The following PRDM10 variants were observed in gnomAD, a reference collection of about 807,000 sequenced individuals.
PRDM10 encodes PR/SET domain 10.
In PRDM10, 65 loss-of-function variants were observed where a neutral mutation model predicts 133.1. The ratio of observed to expected loss-of-function variants is 0.49; its 90% CI spans 0.40 to 0.60. The LOEUF (loss-of-function observed/expected upper bound fraction) is 0.60, where lower values mean the gene tolerates loss of function less well. Ranked by LOEUF, PRDM10 falls within the 20% of genes least tolerant of loss-of-function variation. PRDM10 has a pLI of 0.00. For synonymous variants in PRDM10, 582 were observed against 580.4 expected (o/e 1.00, Z -0.04); for missense variants, 1,137 against 1,507.1 (o/e 0.75, Z 4.07).
At chr11:129,991,891 G>A (rs1014698928) in intron 1 of PRDM10, among the ~76,000 whole-genome samples, 3 of 151,646 alleles carry the variant, frequency 2.0e-5, no homozygotes, top group African/African-American at 7.3e-5. Context: ...GCTGAGACAG[G>A]AGTATCAGAG....
At chr11:129,990,307 C>T (rs868718410) in intron 1 of PRDM10, among the ~76,000 whole-genome samples, 3 of 151,520 alleles carry the variant, frequency 2.0e-5, no homozygotes, top group South Asian at 2.1e-4. Context: ...GATCGAGCCA[C>T]TGCACTCCAG....
In PRDM10 at chr11:129,905,719, C is replaced by T. The variant is rs376352226; in HGVS notation, c.3186G>A (p.Thr1062=). The part of the protein sequence containing the change: ...RGYSSEIQMM[T]LPPGQFVITD... ...TAATCACAAACTGACCCGGAGGAAG[C>T]GTCATCATTTGAATCTCAGATGCTA... is the stretch of plus-strand genomic sequence containing the variant. Residue 1062 remains threonine (T), a synonymous_variant, in exon 20 of 21, where the codon ACG becomes ACA. Coordinates refer to ENST00000360871, the MANE Select transcript of PRDM10 (RefSeq NM_199437.2). 6.2e-6 allele frequency: 10 copies of T among 1,613,872 alleles called. No individual in the cohort carries two copies. Among genetic ancestry groups the T allele is most frequent in the Admixed American group, 1.7e-5 (1 of 59,990 alleles).
At chr11:129,981,291 T>G (rs1273993903) in intron 1 of PRDM10, among the ~76,000 whole-genome samples, 1 of 152,128 alleles carries the variant, frequency 6.6e-6, no homozygotes, top group Non-Finnish European at 1.5e-5. Context: ...AGTACAGAAT[T>G]GTTTGAAATA....
intron 4 of PRDM10, among the ~76,000 whole-genome samples, chr11:129,950,281 T>C (rs1049336872): frequency 2.0e-5 from 3 of 152,138 alleles, no homozygotes; most frequent in African/African-American, 2.4e-5. Flanking sequence ...AGTGTGTTTA[T>C]TGAGGGCCTG....
chr11:129,909,865 G>A (rs1051863095), intron 19 of PRDM10, among the ~76,000 whole-genome samples: 1 of 152,166 alleles, frequency 6.6e-6, no homozygotes, highest in African/African-American at 2.4e-5. Flanking sequence ...CTGCACAGTG[G>A]GGTGGTTTAG....
chr11:129,914,024 T>G (rs1016912646), intron 17 of PRDM10, among the ~76,000 whole-genome samples: 6 of 152,202 alleles, frequency 3.9e-5, no homozygotes, highest in African/African-American at 1.2e-4. Flanking sequence ...ATTTTTTTTT[T>G]TGAGTCCTGT....
rs1308828587 is a variant in PRDM10 at position 129,955,656 on chromosome 11, A to C, written c.235-85T>G. On this transcript the variant is annotated intron_variant, in intron 3 of 20. Coordinates refer to ENST00000360871, the MANE Select transcript of PRDM10 (RefSeq NM_199437.2). The stretch of plus-strand genomic sequence containing the variant: ...AAAAATTATCCTACTGCTAAGCACC[A>C]ATTTTTAGAAAAGTTAACTCCCATT... 7.1e-6 allele frequency: 9 copies of C among 1,262,238 alleles called. No homozygotes were observed. The African/African-American group carries it at 1.2e-4, about 17-fold the overall frequency. 78.2% of individuals were successfully genotyped at this position (1,262,238 alleles called of 1,614,324 possible). A position where few individuals can be genotyped will look rare whatever the true frequency, so the allele number is the denominator to read the frequency against.
rs146765761 is a variant in PRDM10, at chr11:129,941,019, A to G, written c.966+1407T>C. Among the ~76,000 whole-genome samples the G allele has an allele frequency of 4.4e-3, 666 of 152,322 alleles. 9 individuals carry two copies. Among genetic ancestry groups the G allele is most frequent in the African/African-American group, 0.015 (633 of 41,580 alleles). On this transcript the variant is annotated intron_variant, in intron 7 of 20. Coordinates refer to ENST00000360871, the MANE Select transcript of PRDM10 (RefSeq NM_199437.2). ...TCTAATCAGGAATTTATTGGCATAC[A>G]TGGTATGAGATAGGAATCTCCTTTT...
In PRDM10 at chr11:129,920,529, C is replaced by T. The variant is rs569076598; in HGVS notation, c.2035-1811G>A. On this transcript the variant is annotated intron_variant, in intron 13 of 20. Coordinates refer to ENST00000360871, the MANE Select transcript of PRDM10 (RefSeq NM_199437.2). ...GGCCTGAATTAGCCCAGCTCTGAAA[C>T]GCTGGTAAGTCTAATTACTTAGCAC... Among the ~76,000 whole-genome samples the T allele has an allele frequency of 5.9e-5, 9 of 152,242 alleles. No homozygotes were observed. In the South Asian group the frequency reaches 8.3e-4, roughly 14 times the overall value.
chr11:129,964,150 G>T (rs998286258), intron 1 of PRDM10, among the ~76,000 whole-genome samples: 1 of 152,230 alleles, frequency 6.6e-6, no homozygotes, highest in South Asian at 2.1e-4. Context: ...CCTTCAGCTT[G>T]GCTCACTGAT....
At chr11:129,972,146 G>T (rs988323618) in intron 1 of PRDM10, among the ~76,000 whole-genome samples, 28 of 152,230 alleles carry the variant, frequency 1.8e-4, no homozygotes, top group African/African-American at 6.8e-4. Flanking sequence ...CGCCCACCCA[G>T]AACTCCAGCT....
intron 1 of PRDM10, among the ~76,000 whole-genome samples, chr11:129,963,301 A>C (rs1398321834): frequency 6.6e-6 from 1 of 151,966 alleles, no homozygotes; most frequent in East Asian, 1.9e-4. Context: ...CCAGCTACTC[A>C]AGAGGCTGAG....
intron 1 of PRDM10, among the ~76,000 whole-genome samples, chr11:129,976,463 C>T (rs948679858): frequency 2.0e-5 from 3 of 152,186 alleles, no homozygotes; most frequent in Non-Finnish European, 2.9e-5. Context: ...AAGCAGCTAA[C>T]ATTCATCAGT....
At chr11:129,996,344 G>A (rs952619514) in intron 1 of PRDM10, among the ~76,000 whole-genome samples, 2 of 152,178 alleles carry the variant, frequency 1.3e-5, no homozygotes, top group African/African-American at 4.8e-5. Flanking sequence ...GCCCGCAGGC[G>A]GCAGACACCT....
At chr11:129,952,936 C>G (rs987958367) in intron 4 of PRDM10, among the ~76,000 whole-genome samples, 2 of 152,010 alleles carry the variant, frequency 1.3e-5, no homozygotes, top group Non-Finnish European at 2.9e-5. Flanking sequence ...AATGAAATGA[C>G]TTTTAGATTG....
At chr11:129,914,463 C>A in intron 17 of PRDM10, 1 of 594,166 alleles carries the variant, frequency 1.7e-6, no homozygotes, top group Non-Finnish European at 3.0e-6. Flanking sequence ...CCTGCCACAG[C>A]ACAGGAGGCT....
chr11:129,960,176 G>A (rs1951769616), intron 2 of PRDM10, among the ~76,000 whole-genome samples: 1 of 152,076 alleles, frequency 6.6e-6, no homozygotes, highest in African/African-American at 2.4e-5. Context: ...TCTTGATTTT[G>A]ATACTGGTAC....
intron 5 of PRDM10, among the ~76,000 whole-genome samples, chr11:129,946,342 G>A (rs1418919144): frequency 6.6e-6 from 1 of 152,160 alleles, no homozygotes; most frequent in Non-Finnish European, 1.5e-5. Context: ...GTTCTCTGTT[G>A]AACTGGGATT....
intron 1 of PRDM10, among the ~76,000 whole-genome samples, chr11:129,990,856 T>A (rs921083224): frequency 2.6e-5 from 4 of 152,194 alleles, no homozygotes; most frequent in Admixed American, 2.6e-4. Flanking sequence ...AATAAGTATT[T>A]TATTAAAGAC....
Sources: gnomAD v4.1 joint callset for allele counts (sites outside exome capture counted in the v4.1 genomes callset) on GRCh38, gnomAD v4.1.1 for gene constraint, MANE v1.5 for transcripts, NCBI Gene and HGNC (gene_info 2026-07-23, HGNC 2026-07-21) for gene names.